Variants in HYCC1 observed in about 807,000 individuals in gnomAD.
HYCC1 encodes hyccin PI4KA lipid kinase complex subunit 1.
At chr7:23,014,103 G>C in the HYCC1 span, 1 of 469,772 alleles carries the variant, frequency 2.1e-6, no homozygotes, top group Non-Finnish European at 4.4e-6. Context: ...ACCCAGCCGG[G>C]AGAGCCACCA....
chr7:22,922,081 CAT>C, the HYCC1 span, among the ~76,000 whole-genome samples: 24 of 151,944 alleles, frequency 1.6e-4, no homozygotes, highest in Admixed American at 2.6e-4. Context: ...ACAAAAAACA[CAT>C]GAGACCCATG....
chr7:22,968,704 A>G, the HYCC1 span, among the ~76,000 whole-genome samples: 1 of 152,250 alleles, frequency 6.6e-6, no homozygotes, highest in Admixed American at 6.5e-5. Flanking sequence ...CAGACAATGT[A>G]AGGGCCTGGC....
the HYCC1 span, among the ~76,000 whole-genome samples, chr7:22,996,764 T>TCTCTACAAGTTGC: frequency 9.2e-5 from 14 of 152,086 alleles, no homozygotes; most frequent in Non-Finnish European, 2.1e-4. Context: ...AGCAAGAGGC[T>TCTCTACAAGTTGC]CTCTACAAGT....
At chr7:22,947,339 T>C in the HYCC1 span, 1 of 1,017,022 alleles carries the variant, frequency 9.8e-7, no homozygotes, top group Non-Finnish European at 1.4e-6. Flanking sequence ...AAAAATTAGA[T>C]GACTGAATGT....
the HYCC1 span, among the ~76,000 whole-genome samples, chr7:22,980,741 C>T: frequency 6.6e-6 from 1 of 152,034 alleles, no homozygotes; most frequent in Non-Finnish European, 1.5e-5. Flanking sequence ...CTACTGGTAC[C>T]GGACCTCTCC....
At chr7:22,921,256 C>T in the HYCC1 span, among the ~76,000 whole-genome samples, 5 of 152,210 alleles carry the variant, frequency 3.3e-5, no homozygotes, top group African/African-American at 1.2e-4. Flanking sequence ...GGGCCTAAAA[C>T]ATATAGAAAT....
chr7:22,995,270 C>G, the HYCC1 span, among the ~76,000 whole-genome samples: 1 of 152,070 alleles, frequency 6.6e-6, no homozygotes, highest in African/African-American at 2.4e-5. Flanking sequence ...TTGCCCTGCT[C>G]GGTCCCTCCC....
the HYCC1 span, chr7:22,934,219 T>TC: frequency 4.8e-5 from 4 of 83,342 alleles, no homozygotes; most frequent in African/African-American, 6.9e-5. Flanking sequence ...TTTTTTTTTT[T>TC]TTTTTTTTTT....
the HYCC1 span, chr7:22,960,397 C>G: frequency 1.9e-6 from 3 of 1,612,692 alleles, no homozygotes; most frequent in African/African-American, 1.3e-5. Flanking sequence ...GGCAATGAAG[C>G]CTTTATTGCA....
the HYCC1 span, among the ~76,000 whole-genome samples, chr7:22,986,044 C>A: frequency 8.5e-5 from 12 of 141,332 alleles, no homozygotes; most frequent in South Asian, 1.1e-3. Flanking sequence ...ATATATATAT[C>A]ATCTAGGCTA....
the HYCC1 span, among the ~76,000 whole-genome samples, chr7:22,968,351 T>A: frequency 6.6e-6 from 1 of 152,158 alleles, no homozygotes; most frequent in African/African-American, 2.4e-5. Context: ...GATGTAATAG[T>A]AGTGATCTGA....
chr7:23,008,620 C>CA, the HYCC1 span, among the ~76,000 whole-genome samples: 2 of 151,860 alleles, frequency 1.3e-5, no homozygotes, highest in Admixed American at 1.3e-4. Flanking sequence ...TAGTGAAATA[C>CA]ATTAAAAACT....
At chr7:22,922,634 A>G in the HYCC1 span, among the ~76,000 whole-genome samples, 1 of 152,242 alleles carries the variant, frequency 6.6e-6, no homozygotes, top group African/African-American at 2.4e-5. Context: ...GAACCATTAT[A>G]AGTCAGGGAC....
At chr7:23,006,757 C>T in the HYCC1 span, among the ~76,000 whole-genome samples, 5 of 152,138 alleles carry the variant, frequency 3.3e-5, no homozygotes, top group African/African-American at 7.2e-5. Flanking sequence ...TATGAGAAAG[C>T]AACTAATGTT....
At chr7:22,984,401 T>C in the HYCC1 span, among the ~76,000 whole-genome samples, 2 of 152,168 alleles carry the variant, frequency 1.3e-5, no homozygotes, top group South Asian at 4.1e-4. Flanking sequence ...CAACACTTCA[T>C]CTTTGATCAT....
At chr7:22,983,238 A>C in the HYCC1 span, among the ~76,000 whole-genome samples, 3 of 151,634 alleles carry the variant, frequency 2.0e-5, no homozygotes, top group Non-Finnish European at 1.5e-5. Flanking sequence ...CTGAGGTGGG[A>C]GGATCGCTTG....
At chr7:22,912,243 G>A in the HYCC1 span, among the ~76,000 whole-genome samples, 2 of 152,326 alleles carry the variant, frequency 1.3e-5, no homozygotes, top group Admixed American at 6.5e-5. Flanking sequence ...AAGAGTATGT[G>A]GAATTTGAGT....
the HYCC1 span, among the ~76,000 whole-genome samples, chr7:22,915,501 C>G: frequency 6.6e-6 from 1 of 152,230 alleles, no homozygotes; most frequent in Non-Finnish European, 1.5e-5. Flanking sequence ...GTCCACCTTG[C>G]CTGGCAGCCA....
chr7:22,989,084 AACATGC>A, the HYCC1 span, among the ~76,000 whole-genome samples: 1 of 152,172 alleles, frequency 6.6e-6, no homozygotes, highest in Admixed American at 6.5e-5. Context: ...CCCACCCTTT[AACATGC>A]TCTCTTTCCA....
Sources: gnomAD v4.1 joint callset for allele counts (sites outside exome capture counted in the v4.1 genomes callset) on GRCh38, gnomAD v4.1.1 for gene constraint, MANE v1.5 for transcripts, NCBI Gene and HGNC (gene_info 2026-07-23, HGNC 2026-07-21) for gene names.